MRTO4: variants seen among roughly 807,000 people sequenced by gnomAD.
MRTO4 encodes MRT4 homolog, ribosome maturation factor.
A neutral mutation model predicts 28.6 loss-of-function variants in MRTO4; 7 were observed. That is an observed-to-expected ratio of 0.24 (90% CI 0.14 to 0.46). MRTO4 has a LOEUF of 0.46. Ranked by LOEUF, MRTO4 falls within the 20% of genes least tolerant of loss-of-function variation. The pLI is 0.99. For missense variants in MRTO4, 302 were observed against 298.3 expected (o/e 1.01, Z -0.09); for synonymous variants, 113 against 108.2 (o/e 1.04, Z -0.27).
intron 2 of MRTO4, 23 bp from the exon 3 acceptor site, chr1:19,255,925 G>A: frequency 6.2e-7 from 1 of 1,604,246 alleles, no homozygotes; most frequent in Non-Finnish European, 8.5e-7. Context: ...CTTGAACTCA[G>A]AGCCTCGTGA....
intron 1 of MRTO4, among the ~76,000 whole-genome samples, chr1:19,253,558 G>A (rs1046885171): frequency 9.2e-5 from 14 of 152,190 alleles, no homozygotes; most frequent in African/African-American, 2.4e-5. Flanking sequence ...GGAAGACAGG[G>A]CAGAGGGCAG....
chr1:19,253,154 T>C (rs2093665870), intron 1 of MRTO4, among the ~76,000 whole-genome samples: 2 of 151,736 alleles, frequency 1.3e-5, no homozygotes, highest in Non-Finnish European at 2.9e-5. Flanking sequence ...GAAAATGGGG[T>C]GAAGAGATGT....
At chr1:19,252,722 G>A (rs1339920151) in intron 1 of MRTO4, among the ~76,000 whole-genome samples, 1 of 152,164 alleles carries the variant, frequency 6.6e-6, no homozygotes, top group African/African-American at 2.4e-5. Context: ...AATAAAATAA[G>A]TCACTGCAGC....
rs946726321 is a variant in MRTO4, at chr1:19,255,939, G to A, written c.88-9G>A. ...GCTTGAACTCAGAGCCTCGTGAATT[G>A]TCCCACAGCTTCGGAAATGTGTGGA... On this transcript the variant is annotated splice_polypyrimidine_tract_variant and intron_variant, in intron 2 of 7. Transcript: ENST00000330263. The A allele has an allele frequency of 2.5e-6, 4 of 1,612,962 alleles. No homozygotes were observed. The South Asian group carries it at 4.4e-5, about 18-fold the overall frequency.
intron 1 of MRTO4, among the ~76,000 whole-genome samples, chr1:19,253,469 G>T (rs2093666710): frequency 6.6e-6 from 1 of 152,222 alleles, no homozygotes; most frequent in Admixed American, 6.5e-5. Context: ...CTGCCCAGGT[G>T]AAGTGAGTAG....
At chr1:19,256,439 C>A (rs1352147097) in intron 3 of MRTO4, among the ~76,000 whole-genome samples, 1 of 152,178 alleles carries the variant, frequency 6.6e-6, no homozygotes, top group Non-Finnish European at 1.5e-5. Flanking sequence ...TCACTTGAAC[C>A]CATGAGGCAG....
intron 2 of MRTO4, among the ~76,000 whole-genome samples, chr1:19,255,728 G>A (rs1003313578): frequency 5.9e-5 from 9 of 152,168 alleles, no homozygotes; most frequent in Admixed American, 2.6e-4. Context: ...TGAGAGACCT[G>A]GAAAAGGCCG....
chr1:19,252,142 C>T (rs2093662281), intron 1 of MRTO4: 7 of 497,830 alleles, frequency 1.4e-5, no homozygotes, highest in Non-Finnish European at 2.5e-5. Flanking sequence ...TGAACACCGC[C>T]CCCGGCTATG....
At chr1:19,256,096 C>A in intron 3 of MRTO4, 45 bp downstream of exon 3, 1 of 1,549,000 alleles carries the variant, frequency 6.5e-7, no homozygotes, top group Non-Finnish European at 8.9e-7. Context: ...GGGGACCCGG[C>A]CAGGCTGCTC....
chr1:19,257,962 C>T lies in MRTO4; in HGVS notation c.471C>T (p.Gly157=). 1 of 1,613,964 alleles carries T rather than the reference C, an allele frequency of 6.2e-7. No individual in the cohort carries two copies. Residue 157 remains glycine, a synonymous_variant, in exon 6 of 8, where the codon GGC becomes GGT. Transcript: ENST00000330263. ...HSMEPQLRQL[G]LPTALKRGVV... is the part of the protein sequence containing the mutation. ...TGGAGCCACAGCTCAGGCAGCTGGG[C>T]CTGCCCACCGCCCTCAAGAGAGGTA...
chr1:19,254,655 G>A, intron 1 of MRTO4, 127 bp from the exon 2 acceptor site: 1 of 796,202 alleles, frequency 1.3e-6, no homozygotes, highest in South Asian at 1.4e-5. Flanking sequence ...GGCCACAAAG[G>A]CCTTGCTGCC....
chr1:19,256,510 C>A (rs934265761), intron 3 of MRTO4, among the ~76,000 whole-genome samples: 1 of 152,170 alleles, frequency 6.6e-6, no homozygotes, highest in Non-Finnish European at 1.5e-5. Flanking sequence ...AGTGAAACTC[C>A]ACCTCAAAAA....
chr1:19,257,284 C>G, intron 4 of MRTO4, 139 bp downstream of exon 4: 4 of 1,186,658 alleles, frequency 3.4e-6, no homozygotes, highest in Non-Finnish European at 4.9e-6. Context: ...TCTGGGTTCT[C>G]CCTTCACCTC....
intron 4 of MRTO4, 127 bp from the exon 5 acceptor site, chr1:19,257,327 A>T: frequency 8.0e-7 from 1 of 1,243,240 alleles, no homozygotes; most frequent in Non-Finnish European, 1.2e-6. Flanking sequence ...CCTGCCTCCC[A>T]CTCCTTCCTG....
intron 1 of MRTO4, among the ~76,000 whole-genome samples, chr1:19,253,137 T>G (rs1009080079): frequency 1.3e-5 from 2 of 152,156 alleles, no homozygotes; most frequent in African/African-American, 4.8e-5. Flanking sequence ...ATGCTAAAAA[T>G]CAGATTGAAA....
At chr1:19,257,376 T>A (rs558578412) in intron 4 of MRTO4, 78 bp from the exon 5 acceptor site, 36 of 1,525,600 alleles carry the variant, frequency 2.4e-5, no homozygotes, top group Admixed American at 8.3e-5. Flanking sequence ...TTGCCAAATG[T>A]ACCCGGTGAG....
intron 1 of MRTO4, among the ~76,000 whole-genome samples, chr1:19,252,859 G>A (rs1301025279): frequency 1.3e-5 from 2 of 152,110 alleles, no homozygotes; most frequent in Non-Finnish European, 2.9e-5. Flanking sequence ...TCAGTGTGTT[G>A]CCAAGCTGGT....
chr1:19,251,885 A>C, intron 1 of MRTO4, 22 bp downstream of exon 1: 1 of 1,588,844 alleles, frequency 6.3e-7, no homozygotes, highest in Non-Finnish European at 8.6e-7. Context: ...GGGAGTCGGG[A>C]CCCTGGGGGG....
intron 5 of MRTO4, 93 bp downstream of exon 5, chr1:19,257,614 A>C: frequency 6.7e-7 from 1 of 1,502,612 alleles, no homozygotes; most frequent in South Asian, 1.1e-5. Flanking sequence ...ATGTGGCATC[A>C]AGTTGGAACT....
Sources: gnomAD v4.1 joint callset for allele counts (sites outside exome capture counted in the v4.1 genomes callset) on GRCh38, gnomAD v4.1.1 for gene constraint, MANE v1.5 for transcripts, NCBI Gene and HGNC (gene_info 2026-07-23, HGNC 2026-07-21) for gene names.